The following ATP9A variants were observed in gnomAD, a reference collection of about 807,000 sequenced individuals.
ATP9A encodes ATPase phospholipid transporting 9A.
In ATP9A, 52 loss-of-function variants were observed where a neutral mutation model predicts 144.1. That is an observed-to-expected ratio of 0.36 (90% CI 0.29 to 0.45). ATP9A has a LOEUF of 0.45. Ranked by LOEUF, ATP9A falls within the 20% of genes least tolerant of loss-of-function variation. ATP9A has a pLI of 1.00. For synonymous variants in ATP9A, 582 were observed against 557.4 expected, an observed-to-expected ratio of 1.04 and a Z score of -0.62; for missense variants, 947 against 1,392.7, an observed-to-expected ratio of 0.68 and a Z score of 5.09.
At position 51,671,014 on chromosome 20, in the gene ATP9A, G is replaced by T. The variant is rs6013248; in HGVS notation, c.1180+101C>A. 4.7e-6 allele frequency: 6 copies of T among 1,281,054 alleles called. No individual in the cohort carries two copies. The African/African-American group carries it at 7.4e-5, about 16-fold the overall frequency. 79.4% of individuals were successfully genotyped at this position (1,281,054 alleles called of 1,614,324 possible). ...GAAGGGAATAAAATAGCAGCAACAC[G>T]CATCTCTCATATGTCCAGAGAGAGC... On this transcript the variant is annotated intron_variant, in intron 12 of 27. Transcript: ENST00000338821.
chr20:51,600,865 G>T lies in ATP9A; in HGVS notation c.*346C>A. The T allele has an allele frequency of 5.3e-6, 1 of 188,560 alleles. No individual in the cohort carries two copies. Among genetic ancestry groups the T allele is most frequent in the Non-Finnish European group, 1.1e-5 (1 of 91,964 alleles). The allele number at this position is 188,560 out of a possible 1,614,324, so 11.7% of individuals were successfully genotyped here. A position where few individuals can be genotyped will look rare whatever the true frequency, so the allele number is the denominator to read the frequency against. ...ACACACAAGCCTTCTACAACCTTCA[G>T]CTACACAGAAACTTTTATCATGTGA... On this transcript the variant is annotated 3_prime_UTR_variant, in exon 28 of 28. Transcript: ENST00000338821.
intron 3 of ATP9A, among the ~76,000 whole-genome samples, chr20:51,713,530 G>A (rs1433338318): frequency 6.6e-6 from 1 of 152,176 alleles, no homozygotes; most frequent in African/African-American, 2.4e-5. Context: ...AGGAAACTGA[G>A]GCACAGAGAG....
intron 4 of ATP9A, among the ~76,000 whole-genome samples, 176 bp downstream of exon 4, chr20:51,712,790 C>T (rs568595249): frequency 1.9e-4 from 29 of 152,334 alleles, no homozygotes; most frequent in Non-Finnish European, 3.4e-4. Flanking sequence ...TGGTGGGACC[C>T]CGTCAACCTG....
At position 51,613,669 on chromosome 20, in the gene ATP9A, C is replaced by A. The variant is rs369381459; in HGVS notation, c.2571+8G>T. The A allele has an allele frequency of 6.2e-7, 1 of 1,611,544 alleles. No individual in the cohort carries two copies. The highest frequency in any genetic ancestry group is 8.5e-7 in the Non-Finnish European group (1 of 1,178,544). On this transcript the variant is annotated splice_region_variant and intron_variant, in intron 23 of 27. Transcript: ENST00000338821. ...GCACATGTGCAGAGGGGCCAGCTGT[C>A]CACTCACCTGCATGGTGCTGATACA...
chr20:51,610,866 T>C (rs553544296), intron 23 of ATP9A, among the ~76,000 whole-genome samples: 1 of 152,320 alleles, frequency 6.6e-6, no homozygotes, highest in East Asian at 1.9e-4. Context: ...TGGTGACAGA[T>C]TATTTTTGCA....
intron 27 of ATP9A, among the ~76,000 whole-genome samples, chr20:51,601,989 T>C (rs1275471620): frequency 5.3e-5 from 8 of 152,094 alleles, no homozygotes; most frequent in Non-Finnish European, 1.5e-5. Context: ...TGTCTAACAG[T>C]TGGAGAGTCT....
chr20:51,717,115 T>C (rs115190909), intron 3 of ATP9A, among the ~76,000 whole-genome samples: 2 of 142,644 alleles, frequency 1.4e-5, no homozygotes, highest in East Asian at 2.0e-4. Context: ...GAAGTTACAG[T>C]GAGCTGAGAT....
intron 16 of ATP9A, among the ~76,000 whole-genome samples, chr20:51,628,157 T>C (rs943628899): frequency 3.3e-5 from 5 of 152,212 alleles, no homozygotes; most frequent in Non-Finnish European, 7.3e-5. Flanking sequence ...CACAACCTGT[T>C]TGTTCATTTG....
chr20:51,730,626 C>A (rs1041989326), intron 1 of ATP9A, among the ~76,000 whole-genome samples: 2 of 152,210 alleles, frequency 1.3e-5, no homozygotes, highest in Non-Finnish European at 2.9e-5. Context: ...ACCTGGCTGC[C>A]ATCACCTGCT....
At chr20:51,763,225 G>C (rs547523670) in intron 1 of ATP9A, among the ~76,000 whole-genome samples, 1 of 151,982 alleles carries the variant, frequency 6.6e-6, no homozygotes, top group African/African-American at 2.4e-5. Context: ...GGAGACTTTC[G>C]GAGGTGATGG....
intron 1 of ATP9A, among the ~76,000 whole-genome samples, chr20:51,765,153 C>G (rs1476821219): frequency 6.6e-6 from 1 of 152,098 alleles, no homozygotes; most frequent in Non-Finnish European, 1.5e-5. Context: ...AACCACCCAC[C>G]CACTTTAGCC....
Position 51,717,169 on chromosome 20 carries a change from CAAAAA to C in ATP9A, c.328-4100_328-4096del, listed in dbSNP as rs10577089. 1.3e-3 allele frequency among the ~76,000 whole-genome samples: 137 copies of C among 101,516 alleles called. 1 individual carries two copies. The highest frequency in any genetic ancestry group is 5.4e-3 in the East Asian group (21 of 3,870). The allele number at this position is 101,516 out of a possible 152,430, so 66.6% of individuals were successfully genotyped here. A position where few individuals can be genotyped will look rare whatever the true frequency, so the allele number is the denominator to read the frequency against. ...CCTGGGTGACAGAGCAAGACTGCCT[CAAAAA>C]AAAAAAAAAAAAAAAAAGATCTAAA... On this transcript the variant is annotated intron_variant, in intron 3 of 27. Transcript: ENST00000338821.
Position 51,754,596 on chromosome 20 carries a change from C to T in ATP9A, c.68+13706G>A, listed in dbSNP as rs536019444. Reference sequence around the variant, plus strand: ...GAGAGGCCAAAAGTGGACAAATCACCTGAGGTCAGGGGTTTGAGACCAGCC... The same window carrying T: ...GAGAGGCCAAAAGTGGACAAATCACTTGAGGTCAGGGGTTTGAGACCAGCC... On this transcript the variant is annotated intron_variant, in intron 1 of 27. Coordinates refer to ENST00000338821, the MANE Select transcript of ATP9A (RefSeq NM_006045.3). Among the ~76,000 whole-genome samples, 3 of 151,730 alleles carry T rather than the reference C, an allele frequency of 2.0e-5. No homozygotes were observed. In the South Asian group the frequency reaches 6.3e-4, roughly 32 times the overall value.
chr20:51,670,201 C>A (rs1287394553), intron 12 of ATP9A, 92 bp from the exon 13 acceptor site: 7 of 976,012 alleles, frequency 7.2e-6, no homozygotes, highest in Admixed American at 1.9e-5. Context: ...GGAGAGTTTG[C>A]CCTATGTCAC....
At chr20:51,687,586 A>AC (rs1197794632) in intron 9 of ATP9A, among the ~76,000 whole-genome samples, 1 of 151,988 alleles carries the variant, frequency 6.6e-6, no homozygotes, top group Non-Finnish European at 1.5e-5. Flanking sequence ...CAAGAGTGAG[A>AC]CCCCCATCTC....
intron 3 of ATP9A, among the ~76,000 whole-genome samples, chr20:51,722,976 A>G (rs970973313): frequency 7.9e-5 from 12 of 152,280 alleles, no homozygotes; most frequent in African/African-American, 2.4e-4. Context: ...ATGCCCAGCT[A>G]ATTTTTTGTA....
At chr20:51,665,570 A>G (rs2077429353) in intron 13 of ATP9A, among the ~76,000 whole-genome samples, 1 of 151,956 alleles carries the variant, frequency 6.6e-6, no homozygotes, top group Non-Finnish European at 1.5e-5. Flanking sequence ...AATACAAAAA[A>G]AAAATTAGCC....
chr20:51,753,681 T>TA (rs397865300), intron 1 of ATP9A, among the ~76,000 whole-genome samples: 3 of 143,140 alleles, frequency 2.1e-5, no homozygotes, highest in Non-Finnish European at 4.7e-5. Context: ...TTTTTTTTTT[T>TA]AATGAGACTG....
At chr20:51,692,633 C>T (rs1040845216) in intron 7 of ATP9A, among the ~76,000 whole-genome samples, 5 of 152,092 alleles carry the variant, frequency 3.3e-5, no homozygotes, top group Admixed American at 1.3e-4. Context: ...GAAACCGTGT[C>T]TCTACTAAAA....
Sources: allele counts gnomAD v4.1 joint callset (sites outside exome capture counted in the v4.1 genomes callset), GRCh38; gene constraint gnomAD v4.1.1; transcripts MANE v1.5; gene names NCBI Gene and HGNC (gene_info 2026-07-23, HGNC 2026-07-21).